FAM135B: variants seen among roughly 807,000 people sequenced by gnomAD.
The protein encoded by FAM135B is family with sequence similarity 135 member B.
In FAM135B, 43 loss-of-function variants were observed where a neutral mutation model predicts 127.7. The observed-to-expected ratio is 0.34, with a 90% CI of 0.26 to 0.43. The LOEUF (loss-of-function observed/expected upper bound fraction) is 0.43. Among genes scored for constraint, FAM135B ranks in the 20% least tolerant of loss-of-function variants. The probability of loss-of-function intolerance (pLI) is 1.00; values close to 1 mark genes in which losing one functional copy is unlikely to be tolerated. For missense variants in FAM135B, 1,558 were observed against 1,725.6 expected (o/e 0.90, Z 1.72); for synonymous variants, 670 against 665.1 (o/e 1.01, Z -0.11).
At chr8:138,486,756 G>A (rs1486803291) in intron 1 of FAM135B, among the ~76,000 whole-genome samples, 1 of 152,138 alleles carries the variant, frequency 6.6e-6, no homozygotes, top group East Asian at 1.9e-4. Context: ...GAAGGTACCT[G>A]CTCAGCCAAT....
At chr8:138,181,390 A>G (rs925381549) in intron 9 of FAM135B, among the ~76,000 whole-genome samples, 4 of 152,098 alleles carry the variant, frequency 2.6e-5, no homozygotes, top group African/African-American at 9.7e-5. Flanking sequence ...GCCTCTCACT[A>G]ATAAGACCCA....
chr8:138,210,518 A>G (rs1818055306), intron 7 of FAM135B, among the ~76,000 whole-genome samples: 1 of 152,164 alleles, frequency 6.6e-6, no homozygotes, highest in Non-Finnish European at 1.5e-5. Flanking sequence ...ATTTACAATC[A>G]TGGTGGAAGG....
intron 7 of FAM135B, among the ~76,000 whole-genome samples, chr8:138,217,930 T>A (rs765096769): frequency 5.3e-5 from 8 of 152,188 alleles, no homozygotes; most frequent in Non-Finnish European, 1.0e-4. Context: ...GGGATTCTTT[T>A]AGGCCATCTC....
At chr8:138,195,377 A>G in intron 8 of FAM135B, 70 bp from the exon 9 acceptor site, 1 of 1,491,678 alleles carries the variant, frequency 6.7e-7, no homozygotes, top group Non-Finnish European at 9.3e-7. Context: ...TAATTAAATG[A>G]AAAAGCAAAA....
At chr8:138,492,537 T>C (rs1815243670) in intron 1 of FAM135B, among the ~76,000 whole-genome samples, 1 of 152,124 alleles carries the variant, frequency 6.6e-6, no homozygotes, top group African/African-American at 2.4e-5. Flanking sequence ...TGACTTCCTA[T>C]GGCCTTCTGT....
At position 138,243,087 on chromosome 8, in the gene FAM135B, A is replaced by C; in HGVS notation, c.543-19T>G. 6.3e-7 allele frequency: 1 copy of C among 1,596,946 alleles called. No homozygotes were observed. The highest frequency in any genetic ancestry group is 1.8e-5 in the Admixed American group (1 of 57,122). Reference sequence around the variant, plus strand: ...AGTAAAACTAAACAAAAGATAATTGAAAGGGTGAAAAAGGAGGTAAAGAAA... The same window carrying C: ...AGTAAAACTAAACAAAAGATAATTGCAAGGGTGAAAAAGGAGGTAAAGAAA... On this transcript the variant is annotated intron_variant, in intron 6 of 19. Coordinates refer to ENST00000395297, the MANE Select transcript of FAM135B (RefSeq NM_015912.4). The surrounding 1 kb of genome is among the most constrained non-coding windows in gnomAD (Gnocchi z 7.5).
At chr8:138,269,485 C>T (rs540203227) in intron 3 of FAM135B, among the ~76,000 whole-genome samples, 2 of 152,332 alleles carry the variant, frequency 1.3e-5, no homozygotes, top group South Asian at 4.1e-4. Flanking sequence ...ATTCCCCAGG[C>T]CTGAAGCCAG....
chr8:138,310,819 C>T (rs1373214487), intron 3 of FAM135B, 22 bp downstream of exon 3: 4 of 1,611,104 alleles, frequency 2.5e-6, no homozygotes, highest in Admixed American at 3.3e-5. Context: ...GGCAAGTGCC[C>T]CATTGCCATT....
At chr8:138,328,687 G>A (rs763418232) in intron 2 of FAM135B, among the ~76,000 whole-genome samples, 1 of 152,184 alleles carries the variant, frequency 6.6e-6, no homozygotes, top group Non-Finnish European at 1.5e-5. Context: ...AAGTGTAGTG[G>A]TTAAGGGAAT....
chr8:138,405,120 G>C (rs749916240), intron 1 of FAM135B, among the ~76,000 whole-genome samples: 1 of 152,116 alleles, frequency 6.6e-6, no homozygotes, highest in African/African-American at 2.4e-5. Context: ...CAGAATTGAT[G>C]TTGTGCTAGC....
In FAM135B at chr8:138,367,952, G is replaced by A. The variant is rs752489635; in HGVS notation, c.32C>T (p.Ser11Leu). MSEIQGTVEF[S>L]VELHKFYNVD... ...ATTATAAAATTTATGTAGCTCTACC[G>A]AAAACTCAACCGTTCCTTGTATTTC... Residue 11 changes from serine (S) to leucine (L), a missense_variant, in exon 2 of 20, where the codon TCG (serine) becomes TTG (leucine). By Grantham distance (145) the Ser-to-Leu change is moderately radical (BLOSUM62 -2). Coordinates refer to ENST00000395297, the MANE Select transcript of FAM135B (RefSeq NM_015912.4). 30 of 1,613,526 alleles carry A rather than the reference G, an allele frequency of 1.9e-5. No homozygotes were observed. Among genetic ancestry groups the A allele is most frequent in the Admixed American group, 8.3e-5 (5 of 59,960 alleles).
At chr8:138,366,209 T>G (rs1366774851) in intron 2 of FAM135B, among the ~76,000 whole-genome samples, 1 of 152,226 alleles carries the variant, frequency 6.6e-6, no homozygotes, top group East Asian at 1.9e-4. Context: ...AAGATAATAC[T>G]GCTTAGTTCT....
intron 3 of FAM135B, among the ~76,000 whole-genome samples, chr8:138,303,766 G>C (rs1826050079): frequency 6.6e-6 from 1 of 152,102 alleles, no homozygotes; most frequent in African/African-American, 2.4e-5. Flanking sequence ...ATGCGTATGT[G>C]GGCTCCCAAC....
chr8:138,384,118 A>G (rs1275807973), intron 1 of FAM135B, among the ~76,000 whole-genome samples: 2 of 152,178 alleles, frequency 1.3e-5, no homozygotes, highest in African/African-American at 2.4e-5. Context: ...CATGGACACA[A>G]TCTCAGCTCC....
At chr8:138,370,147 C>T (rs1831021611) in intron 1 of FAM135B, among the ~76,000 whole-genome samples, 2 of 152,186 alleles carry the variant, frequency 1.3e-5, no homozygotes, top group East Asian at 1.9e-4. Context: ...CCTGGGTTTT[C>T]CATCTCCTGC....
At chr8:138,361,147 C>T (rs1443645179) in intron 2 of FAM135B, among the ~76,000 whole-genome samples, 1 of 152,054 alleles carries the variant, frequency 6.6e-6, no homozygotes, top group Non-Finnish European at 1.5e-5. Flanking sequence ...AGACTTGTCT[C>T]GAACTCCTGA....
intron 7 of FAM135B, among the ~76,000 whole-genome samples, chr8:138,205,377 G>A (rs981369432): frequency 5.3e-5 from 8 of 152,172 alleles, no homozygotes; most frequent in Admixed American, 2.0e-4. Flanking sequence ...TCTTTGAACT[G>A]AGCTTCAGGC....
At chr8:138,440,465 A>G (rs1835698083) in intron 1 of FAM135B, 2 of 102,264 alleles carry the variant, frequency 2.0e-5, no homozygotes, top group South Asian at 5.9e-4. Context: ...AAGTCCAAAA[A>G]AGGTAAAATT....
chr8:138,260,644 C>T (rs1338693068), intron 4 of FAM135B, among the ~76,000 whole-genome samples: 1 of 152,124 alleles, frequency 6.6e-6, no homozygotes, highest in Non-Finnish European at 1.5e-5. Flanking sequence ...CAACCTGAAC[C>T]CAGTCCTAAG....
Sources: allele counts gnomAD v4.1 joint callset (sites outside exome capture counted in the v4.1 genomes callset), GRCh38; gene constraint gnomAD v4.1.1; non-coding constraint Gnocchi (gnomAD v3.1); transcripts MANE v1.5; gene names NCBI Gene and HGNC (gene_info 2026-07-23, HGNC 2026-07-21).